The following TBKBP1 variants were observed in gnomAD, a reference collection of about 807,000 sequenced individuals.
The protein encoded by TBKBP1 is TBK1 binding protein 1.
In TBKBP1, 47 loss-of-function variants were observed where a neutral mutation model predicts 69.9. The ratio of observed to expected loss-of-function variants is 0.67; its 90% CI spans 0.53 to 0.86. The LOEUF is 0.86. TBKBP1 is among the 40% of genes least tolerant of loss of function. The pLI, the probability that TBKBP1 is intolerant of heterozygous loss-of-function variation, is 0.00. For missense variants in TBKBP1, 831 were observed against 858.6 expected (o/e 0.97, Z 0.40); for synonymous variants, 418 against 390.3 (o/e 1.07, Z -0.84).
chr17:47,697,949 C>CA (rs1170697190), intron 4 of TBKBP1, among the ~76,000 whole-genome samples: 1,011 of 36,834 alleles, frequency 0.027, 31 homozygotes, highest in African/African-American at 0.056. Flanking sequence ...ACCCTGTCTC[C>CA]AAAAAAAAAA....
intron 9 of TBKBP1, 135 bp from the exon 10 acceptor site, chr17:47,710,363 C>A: frequency 8.3e-7 from 1 of 1,210,328 alleles, no homozygotes; most frequent in South Asian, 1.5e-5. Context: ...GAGGACGGTG[C>A]TGAAGAAAGG....
intron 7 of TBKBP1, among the ~76,000 whole-genome samples, chr17:47,699,918 G>T (rs1422701731): frequency 6.6e-6 from 1 of 151,492 alleles, no homozygotes; most frequent in East Asian, 1.9e-4. Flanking sequence ...TGCCTCTCGG[G>T]TTCAAGCAAT....
At chr17:47,694,141 A>AGGGAGCAGGCGGAGG (rs1315821158), upstream of TBKBP1, 1 of 114,210 alleles carries the variant, frequency 8.8e-6, no homozygotes, top group Admixed American at 9.1e-5. Context: ...CCGTTTGGGG[A>AGGGAGCAGGCGGAGG]GGGAGCAGGC....
At position 47,696,764 on chromosome 17, in the gene TBKBP1, C is replaced by T. The variant is rs148796556; in HGVS notation, c.279C>T (p.Ile93=). The change falls in exon 3 of 10, where the codon ATC becomes ATT. Residue 93 remains isoleucine, a synonymous_variant. Transcript: ENST00000578982. The part of the protein sequence containing the change: ...GEEHGFSLYE[I]KDGSLLEVEK... ...AGCATGGCTTTTCTCTGTATGAAAT[C>T]AAGGATGGCTCCCTGCTGGAGGTGG... is the stretch of plus-strand genomic sequence containing the variant. 71 of 1,614,006 alleles carry T rather than the reference C, an allele frequency of 4.4e-5. No homozygotes were observed. The African/African-American group carries it at 7.9e-4, about 18-fold the overall frequency.
At chr17:47,703,739 A>C (rs1203678864) in intron 7 of TBKBP1, among the ~76,000 whole-genome samples, 1 of 151,924 alleles carries the variant, frequency 6.6e-6, no homozygotes, top group Non-Finnish European at 1.5e-5. Context: ...ACTCCCCTGA[A>C]ATTTTTTTTT....
rs754983500 is a variant in TBKBP1 at position 47,696,112 on chromosome 17, C to T, written c.-1C>T. 6.2e-7 allele frequency: 1 copy of T among 1,608,232 alleles called. No homozygotes were observed. The highest frequency in any genetic ancestry group is 1.3e-5 in the African/African-American group (1 of 74,946). On this transcript the variant is annotated 5_prime_UTR_variant, in exon 2 of 10. Transcript: ENST00000578982. Reference sequence around the variant, plus strand: ...GTGTGGGCCGCGGCCCGGCCCTCACCATGGAGTCCATGTTCGAGGACGACA... The same window carrying T: ...GTGTGGGCCGCGGCCCGGCCCTCACTATGGAGTCCATGTTCGAGGACGACA...
At chr17:47,707,496 C>T (rs574427443) in intron 7 of TBKBP1, among the ~76,000 whole-genome samples, 4 of 152,304 alleles carry the variant, frequency 2.6e-5, no homozygotes, top group Admixed American at 2.6e-4. Flanking sequence ...CTGCTGGGTT[C>T]CAGGCCCTGG....
Position 47,699,430 on chromosome 17 carries a change from C to G in TBKBP1, c.745C>G (p.Gln249Glu). ...CCGGGGGGCTCAGCTCCGGGAGGAGCAGCTCCAGGCCGAGTGCGAGCGGCT... is the reference window on the plus strand; with the variant it reads ...CCGGGGGGCTCAGCTCCGGGAGGAGGAGCTCCAGGCCGAGTGCGAGCGGCT... ...EARGAQLREE[Q>E]LQAECERLQG... The change falls in exon 6 of 10, where the codon CAG becomes GAG. Residue 249 changes from glutamine (Q) to glutamate (E), a missense_variant. By Grantham distance (29) the Gln-to-Glu change is conservative (BLOSUM62 2). Coordinates refer to ENST00000578982, the MANE Select transcript of TBKBP1 (RefSeq NM_001394755.1). 1 of 1,567,474 alleles carries G rather than the reference C, an allele frequency of 6.4e-7. No homozygotes were observed. The highest frequency in any genetic ancestry group is 8.6e-7 in the Non-Finnish European group (1 of 1,159,874).
chr17:47,710,032 AAGAC>A lies in TBKBP1; in HGVS notation c.1720-462_1720-459del, dbSNP rs368007166. On this transcript the variant is annotated intron_variant, in intron 9 of 9. Transcript: ENST00000578982. Reference sequence around the variant, plus strand: ...CCTTGCCCTTTTCTGTCTGTCCTGAAAGACAGAAGCCTATCTCAGGGCTCAATCA... The same window carrying A: ...CCTTGCCCTTTTCTGTCTGTCCTGAAAGAAGCCTATCTCAGGGCTCAATCA... 3.3e-3 allele frequency among the ~76,000 whole-genome samples: 500 copies of A among 152,324 alleles called. 2 individuals are homozygous for A. The highest frequency in any genetic ancestry group is 0.011 in the African/African-American group (473 of 41,562).
intron 9 of TBKBP1, 63 bp from the exon 10 acceptor site, chr17:47,710,435 C>T (rs1320537509): frequency 3.9e-5 from 62 of 1,570,308 alleles, no homozygotes; most frequent in Non-Finnish European, 5.1e-5. Context: ...ACAGGGCAGG[C>T]TGGGATGTGG....
chr17:47,699,786 T>A, intron 7 of TBKBP1, 89 bp downstream of exon 7: 1 of 1,464,792 alleles, frequency 6.8e-7, no homozygotes, highest in Non-Finnish European at 9.6e-7. Flanking sequence ...GGGCTGCTGT[T>A]GCTCTGTGTG....
chr17:47,694,873 G>A (rs927426233), intron 1 of TBKBP1, among the ~76,000 whole-genome samples: 3 of 110,504 alleles, frequency 2.7e-5, no homozygotes, highest in Non-Finnish European at 5.6e-5. Context: ...ACTTAGATGG[G>A]CCTGTGGGTG....
chr17:47,699,883 C>T lies in TBKBP1; in HGVS notation c.872+186C>T, dbSNP rs1159535248. The stretch of plus-strand genomic sequence containing the variant: ...TGTTGCCCAGGCTGGAGTGCAATGG[C>T]GTGATCTTGGCTCACCGCAACCTCT... On this transcript the variant is annotated intron_variant, in intron 7 of 9. Coordinates refer to ENST00000578982, the MANE Select transcript of TBKBP1 (RefSeq NM_001394755.1). Among the ~76,000 whole-genome samples the T allele has an allele frequency of 5.3e-5, 8 of 149,968 alleles. No individual in the cohort carries two copies. In the East Asian group the frequency reaches 9.7e-4, roughly 18 times the overall value.
chr17:47,706,536 TTCCTCTC>T (rs1030456352), intron 7 of TBKBP1, among the ~76,000 whole-genome samples: 3 of 152,140 alleles, frequency 2.0e-5, no homozygotes, highest in African/African-American at 7.2e-5. Flanking sequence ...CTGGGACTCC[TTCCTCTC>T]TGCCTGCCCA....
chr17:47,708,364 C>T lies in TBKBP1; in HGVS notation c.873-30C>T. 1 of 1,611,808 alleles carries T rather than the reference C, an allele frequency of 6.2e-7. No homozygotes were observed. The highest frequency in any genetic ancestry group is 1.1e-5 in the South Asian group (1 of 90,978). ...CTGGGACGGTAGACCCACTGCCCTT[C>T]TCGTCTTTCCCACTGCCCTCTGACT... On this transcript the variant is annotated intron_variant, in intron 7 of 9. Transcript: ENST00000578982. This position sits in a 1 kb window ranked among gnomAD's most constrained non-coding sequence, Gnocchi z 4.4.
intron 3 of TBKBP1, 87 bp from the exon 4 acceptor site, chr17:47,697,002 G>A: frequency 6.6e-7 from 1 of 1,519,022 alleles, no homozygotes; most frequent in Non-Finnish European, 8.9e-7. Context: ...GGTGCTGGGA[G>A]TGGGGGTGGG....
chr17:47,710,110 C>T (rs558000118), intron 9 of TBKBP1, among the ~76,000 whole-genome samples: 2 of 152,330 alleles, frequency 1.3e-5, no homozygotes, highest in African/African-American at 4.8e-5. Context: ...CCCATTGTAA[C>T]CTGGAAAGAC....
intron 1 of TBKBP1, chr17:47,695,238 C>G (rs911939697): frequency 2.0e-5 from 3 of 153,182 alleles, no homozygotes; most frequent in African/African-American, 7.2e-5. Context: ...TACGCCAACC[C>G]CAGACACACA....
rs757006716 is a variant in TBKBP1, at chr17:47,711,677, A to G, written c.*1051A>G. The stretch of plus-strand genomic sequence containing the variant: ...AGTTGTACCCTCAGAAGGACGGGTA[A>G]GCAGGAGGCCAGGGGGTCCCCAGGG... On this transcript the variant is annotated 3_prime_UTR_variant, in exon 10 of 10. Transcript: ENST00000578982. 6.6e-6 allele frequency: 1 copy of G among 152,652 alleles called. No individual in the cohort carries two copies. Among genetic ancestry groups the G allele is most frequent in the Non-Finnish European group, 1.5e-5 (1 of 68,114 alleles). 9.5% of individuals were successfully genotyped at this position (152,652 alleles called of 1,614,324 possible). A position where few individuals can be genotyped will look rare whatever the true frequency, so the allele number is the denominator to read the frequency against.
Sources: allele counts gnomAD v4.1 joint callset (sites outside exome capture counted in the v4.1 genomes callset), GRCh38; gene constraint gnomAD v4.1.1; non-coding constraint Gnocchi (gnomAD v3.1); transcripts MANE v1.5; gene names NCBI Gene and HGNC (gene_info 2026-07-23, HGNC 2026-07-21).